C12orf54: variants seen among roughly 807,000 people sequenced by gnomAD.
C12orf54 encodes the protein chromosome 12 open reading frame 54.
A neutral mutation model predicts 26.4 loss-of-function variants in C12orf54; 24 were observed. The ratio of observed to expected loss-of-function variants is 0.91; its 90% confidence interval spans 0.66 to 1.28. The LOEUF is 1.28. Among genes scored for constraint, C12orf54 ranks in the 50% most tolerant of loss-of-function variants. The pLI, the probability that C12orf54 is intolerant of heterozygous loss-of-function variation, is 0.00. For synonymous variants in C12orf54, 54 were observed against 47.0 expected, an observed-to-expected ratio of 1.15 and a Z score of -0.61; for missense variants, 154 against 150.9, an observed-to-expected ratio of 1.02 and a Z score of -0.11.
At chr12:48,433,241 C>A in the C12orf54 span, among the ~76,000 whole-genome samples, 12 of 152,272 alleles carry the variant, frequency 7.9e-5, no homozygotes, top group African/African-American at 2.9e-4. Context: ...TGCTCAGCCA[C>A]GGCTACAGTG....
At chr12:48,491,552 C>T (rs1342190719) in intron 6 of C12orf54, among the ~76,000 whole-genome samples, 1 of 152,068 alleles carries the variant, frequency 6.6e-6, no homozygotes, top group African/African-American at 2.4e-5. Context: ...CATGCCTCGG[C>T]TAGATATGAT....
At chr12:48,493,627 TAAAAA>T (rs10535607) in intron 7 of C12orf54, among the ~76,000 whole-genome samples, 1,987 of 124,276 alleles carry the variant, frequency 0.016, 34 homozygotes, top group African/African-American at 0.051. Context: ...ACTGTCTCAT[TAAAAA>T]AAAAAAAAAA....
the C12orf54 span, among the ~76,000 whole-genome samples, chr12:48,461,129 A>T: frequency 2.0e-5 from 3 of 152,154 alleles, no homozygotes; most frequent in Non-Finnish European, 4.4e-5. Context: ...CTTTATTAAT[A>T]TCAGAGGGAG....
At chr12:48,478,341 A>G (rs890587222), upstream of C12orf54, among the ~76,000 whole-genome samples, 7 of 152,230 alleles carry the variant, frequency 4.6e-5, no homozygotes, top group African/African-American at 1.7e-4. Context: ...CAGGCACAAG[A>G]TAGGGATGCC....
chr12:48,418,215 T>A, the C12orf54 span, among the ~76,000 whole-genome samples: 1 of 152,144 alleles, frequency 6.6e-6, no homozygotes, highest in Non-Finnish European at 1.5e-5. Flanking sequence ...AAGCAAAGCA[T>A]GTATAAAATG....
At chr12:48,439,624 A>T in the C12orf54 span, among the ~76,000 whole-genome samples, 1 of 152,178 alleles carries the variant, frequency 6.6e-6, no homozygotes, top group Non-Finnish European at 1.5e-5. Flanking sequence ...GGAAACCATC[A>T]TTCTCAGCAA....
chr12:48,431,767 T>G, the C12orf54 span, among the ~76,000 whole-genome samples: 1 of 152,112 alleles, frequency 6.6e-6, no homozygotes, highest in South Asian at 2.1e-4. Context: ...AATAGGCAAA[T>G]CTATATACAT....
the C12orf54 span, among the ~76,000 whole-genome samples, chr12:48,419,686 A>G: frequency 6.6e-6 from 1 of 152,132 alleles, no homozygotes; most frequent in Non-Finnish European, 1.5e-5. Context: ...GAGGAGAGGA[A>G]GGGATGAAAA....
the C12orf54 span, among the ~76,000 whole-genome samples, chr12:48,431,234 C>T: frequency 2.0e-5 from 3 of 152,134 alleles, no homozygotes; most frequent in African/African-American, 7.2e-5. Context: ...TCTCACAAAT[C>T]ACCACTAAAA....
chr12:48,434,443 T>A, the C12orf54 span, among the ~76,000 whole-genome samples: 4 of 152,194 alleles, frequency 2.6e-5, no homozygotes, highest in African/African-American at 7.2e-5. Flanking sequence ...TCTTGAGATC[T>A]GAGAATGGGC....
At chr12:48,455,005 G>T in the C12orf54 span, among the ~76,000 whole-genome samples, 1 of 152,150 alleles carries the variant, frequency 6.6e-6, no homozygotes, top group Non-Finnish European at 1.5e-5. Flanking sequence ...GGTTTGTTAT[G>T]TGGGTAAATT....
the C12orf54 span, among the ~76,000 whole-genome samples, chr12:48,436,441 A>T: frequency 2.0e-5 from 3 of 152,184 alleles, no homozygotes; most frequent in Non-Finnish European, 4.4e-5. Context: ...TCCACCCCAA[A>T]TCAACACAAT....
the C12orf54 span, among the ~76,000 whole-genome samples, chr12:48,470,318 A>G: frequency 6.6e-6 from 1 of 152,226 alleles, no homozygotes; most frequent in African/African-American, 2.4e-5. Flanking sequence ...CCAACAATGT[A>G]GAAGTGTTGT....
At chr12:48,470,513 A>T in the C12orf54 span, among the ~76,000 whole-genome samples, 9 of 152,052 alleles carry the variant, frequency 5.9e-5, no homozygotes, top group African/African-American at 2.2e-4. Context: ...CCCATTTTTC[A>T]TGGGGTAGCT....
In C12orf54 at chr12:48,483,091, C is replaced by T. The variant is rs1025645385; in HGVS notation, c.-57-149C>T. 7 of 565,930 alleles carry T rather than the reference C, an allele frequency of 1.2e-5. No homozygotes were observed. In the Admixed American group the frequency reaches 2.2e-4, roughly 18 times the overall value. 35.1% of individuals were successfully genotyped at this position (565,930 alleles called of 1,614,324 possible). A position where few individuals can be genotyped will look rare whatever the true frequency, so the allele number is the denominator to read the frequency against. ...GTACATGCATATGCACACATACATG[C>T]ACATATATGCAAGCACACACATGCA... On this transcript the variant is annotated intron_variant, in intron 1 of 8. Transcript: ENST00000548364.
At chr12:48,436,259 C>A in the C12orf54 span, among the ~76,000 whole-genome samples, 52 of 152,156 alleles carry the variant, frequency 3.4e-4, 1 homozygote, top group South Asian at 9.8e-3. Flanking sequence ...ATTCATAAAG[C>A]AAGTCCTGAG....
chr12:48,456,315 T>G, the C12orf54 span, among the ~76,000 whole-genome samples: 1 of 152,158 alleles, frequency 6.6e-6, no homozygotes, highest in Admixed American at 6.6e-5. Context: ...ACTCTACCAG[T>G]GTGACAAGAT....
chr12:48,449,039 T>G, the C12orf54 span, among the ~76,000 whole-genome samples: 1 of 152,348 alleles, frequency 6.6e-6, no homozygotes, highest in African/African-American at 2.4e-5. Flanking sequence ...ATTTTCTGGT[T>G]GACAATTGGT....
the C12orf54 span, among the ~76,000 whole-genome samples, chr12:48,424,718 G>C: frequency 6.6e-6 from 1 of 152,118 alleles, no homozygotes; most frequent in South Asian, 2.1e-4. Flanking sequence ...TACCAAGATA[G>C]ATGATCACAT....
Sources: gnomAD v4.1 joint callset for allele counts (sites outside exome capture counted in the v4.1 genomes callset) on GRCh38, gnomAD v4.1.1 for gene constraint, MANE v1.5 for transcripts, NCBI Gene and HGNC (gene_info 2026-07-23, HGNC 2026-07-21) for gene names.